CTNNA3: variants seen among roughly 807,000 people sequenced by gnomAD.
CTNNA3 encodes the protein catenin alpha 3, also known as catenin alpha-3.
In CTNNA3, 76 loss-of-function variants were observed where a neutral mutation model predicts 95.7. That is an observed-to-expected ratio of 0.79 (90% CI 0.66 to 0.96). The LOEUF is 0.96. Among genes scored for constraint, CTNNA3 ranks in the 40% least tolerant of loss-of-function variants. The pLI, the probability that CTNNA3 is intolerant of heterozygous loss-of-function variation, is 0.00. For synonymous variants in CTNNA3, 431 were observed against 374.4 expected (o/e 1.15, Z -1.74); for missense variants, 1,191 against 1,089.8 (o/e 1.09, Z -1.31).
intron 17 of CTNNA3, among the ~76,000 whole-genome samples, chr10:65,965,064 A>G (rs2077927695): frequency 6.6e-6 from 1 of 152,218 alleles, no homozygotes; most frequent in Admixed American, 6.5e-5. Flanking sequence ...GATTTTTGAT[A>G]AAATTTGAAT....
intron 1 of CTNNA3, among the ~76,000 whole-genome samples, chr10:67,757,540 G>A (rs1019821555): frequency 9.2e-5 from 14 of 152,210 alleles, no homozygotes; most frequent in Non-Finnish European, 5.9e-5. Context: ...GCAGAAGTTG[G>A]AAAGAACAGA....
chr10:67,083,301 A>G (rs957574013), intron 7 of CTNNA3, among the ~76,000 whole-genome samples: 1 of 152,178 alleles, frequency 6.6e-6, no homozygotes, highest in African/African-American at 2.4e-5. Flanking sequence ...TTAATACACT[A>G]TGAAGACCAA....
intron 5 of CTNNA3, among the ~76,000 whole-genome samples, chr10:67,493,290 C>A (rs1311641821): frequency 1.3e-5 from 2 of 151,848 alleles, no homozygotes; most frequent in Non-Finnish European, 2.9e-5. Context: ...AGGCCGGACA[C>A]GGCGGCTCAC....
chr10:66,393,646 CCTT>C (rs2092951177), intron 11 of CTNNA3, among the ~76,000 whole-genome samples: 1 of 152,052 alleles, frequency 6.6e-6, no homozygotes, highest in Admixed American at 6.6e-5. Flanking sequence ...CACAGTAACA[CCTT>C]CTGGTTGTCA....
intron 15 of CTNNA3, among the ~76,000 whole-genome samples, chr10:66,015,784 T>G (rs758487149): frequency 6.6e-6 from 1 of 152,174 alleles, no homozygotes; most frequent in East Asian, 1.9e-4. Context: ...TCTCAGTTCA[T>G]TCACCATACT....
chr10:67,186,150 A>G (rs966442071), intron 6 of CTNNA3, among the ~76,000 whole-genome samples: 2 of 152,220 alleles, frequency 1.3e-5, no homozygotes, highest in Admixed American at 6.5e-5. Context: ...TAATGTAATT[A>G]GAAGATGTGA....
At chr10:66,380,766 T>A (rs1360382159) in intron 11 of CTNNA3, among the ~76,000 whole-genome samples, 1 of 151,954 alleles carries the variant, frequency 6.6e-6, no homozygotes, top group African/African-American at 2.4e-5. Context: ...CTGTTATAAT[T>A]GTTTTCTGTG....
At chr10:66,709,942 A>G (rs1029937502) in intron 9 of CTNNA3, among the ~76,000 whole-genome samples, 1 of 152,192 alleles carries the variant, frequency 6.6e-6, no homozygotes, top group African/African-American at 2.4e-5. Flanking sequence ...TTAGAAATTA[A>G]GAAAGAAACT....
intron 10 of CTNNA3, among the ~76,000 whole-genome samples, chr10:66,531,874 C>T (rs1241522826): frequency 2.0e-5 from 3 of 151,774 alleles, no homozygotes; most frequent in Non-Finnish European, 4.4e-5. Flanking sequence ...ATATAGGCAA[C>T]AGAGATTTTT....
chr10:67,061,358 A>G (rs1005776657), intron 7 of CTNNA3, among the ~76,000 whole-genome samples: 1 of 152,196 alleles, frequency 6.6e-6, no homozygotes, highest in Non-Finnish European at 1.5e-5. Flanking sequence ...CACTATTTAC[A>G]AAATAGAAAC....
At chr10:67,180,698 T>C (rs74865221) in intron 6 of CTNNA3, among the ~76,000 whole-genome samples, 178 bp from the exon 7 acceptor site, 4 of 152,284 alleles carry the variant, frequency 2.6e-5, no homozygotes, top group East Asian at 1.9e-4. Flanking sequence ...TGATAAATAA[T>C]GAAAGTGATG....
chr10:66,663,486 AAT>A, intron 9 of CTNNA3, among the ~76,000 whole-genome samples: 1 of 141,394 alleles, frequency 7.1e-6, no homozygotes, highest in South Asian at 2.3e-4. Flanking sequence ...AAAAAAAAAA[AAT>A]CCTCACCAGT....
At chr10:66,191,859 C>A (rs2086686124) in intron 13 of CTNNA3, among the ~76,000 whole-genome samples, 1 of 152,120 alleles carries the variant, frequency 6.6e-6, no homozygotes, top group Non-Finnish European at 1.5e-5. Flanking sequence ...GAGGTAGGAC[C>A]TTTAAGAGGT....
At chr10:66,702,728 GAA>G (rs1847990404) in intron 9 of CTNNA3, among the ~76,000 whole-genome samples, 3 of 90,802 alleles carry the variant, frequency 3.3e-5, no homozygotes, top group African/African-American at 1.3e-4. Context: ...AAAAAAAAAA[GAA>G]TAAGTAGTAG....
intron 6 of CTNNA3, among the ~76,000 whole-genome samples, chr10:67,192,934 G>T (rs1225880808): frequency 1.3e-5 from 2 of 151,900 alleles, no homozygotes; most frequent in Non-Finnish European, 2.9e-5. Context: ...TCAGCTATAA[G>T]AAATGAAGAA....
intron 9 of CTNNA3, among the ~76,000 whole-genome samples, chr10:66,720,116 G>A (rs1387767560): frequency 6.6e-6 from 1 of 151,912 alleles, no homozygotes; most frequent in Non-Finnish European, 1.5e-5. Flanking sequence ...ATTTCACTCT[G>A]ATTTGAGATG....
intron 6 of CTNNA3, among the ~76,000 whole-genome samples, chr10:67,218,554 T>C (rs1447725952): frequency 6.6e-6 from 1 of 152,196 alleles, no homozygotes. Flanking sequence ...CCCTCTTTCC[T>C]TCCCAAATGT....
intron 5 of CTNNA3, among the ~76,000 whole-genome samples, chr10:67,458,592 G>A (rs1013701734): frequency 1.3e-5 from 2 of 151,994 alleles, no homozygotes; most frequent in Non-Finnish European, 2.9e-5. Flanking sequence ...TTCTAGAAGA[G>A]GACAGGCCAG....
chr10:67,683,444 G>C (rs1840665205), intron 1 of CTNNA3, among the ~76,000 whole-genome samples: 1 of 152,204 alleles, frequency 6.6e-6, no homozygotes, highest in African/African-American at 2.4e-5. Flanking sequence ...ACCAACATTA[G>C]AGTAGACCCA....
Sources: allele counts gnomAD v4.1 joint callset (sites outside exome capture counted in the v4.1 genomes callset), GRCh38; gene constraint gnomAD v4.1.1; transcripts MANE v1.5; gene names NCBI Gene and HGNC (gene_info 2026-07-23, HGNC 2026-07-21).